Variants in NEXMIF observed in about 807,000 individuals in gnomAD.
NEXMIF encodes the protein neurite extension and migration factor.
In NEXMIF, 8 loss-of-function variants were observed where a neutral mutation model predicts 62.1. The observed-to-expected ratio is 0.13, with a 90% CI of 0.08 to 0.23. The LOEUF is 0.23. Among genes scored for constraint, NEXMIF ranks in the 10% least tolerant of loss-of-function variants. NEXMIF has a pLI of 1.00. For missense variants in NEXMIF, 976 were observed against 1,113.3 expected, an observed-to-expected ratio of 0.88 and a Z score of 1.75; for synonymous variants, 404 against 416.6, an observed-to-expected ratio of 0.97 and a Z score of 0.37.
intron 1 of NEXMIF, among the ~76,000 whole-genome samples, chrX:74,864,431 G>A (rs748278903): frequency 1.8e-5 from 2 of 112,129 alleles, no homozygotes; most frequent in Admixed American, 9.4e-5. Flanking sequence ...CTTGAATGTA[G>A]CTCTCATAAT....
intron 1 of NEXMIF, among the ~76,000 whole-genome samples, chrX:74,756,172 A>G (rs185293212): frequency 7.5e-4 from 83 of 111,159 alleles, no homozygotes; most frequent in Admixed American, 6.8e-3. Flanking sequence ...CATGTTGGTC[A>G]GGCTGGTCTC....
At chrX:74,893,811 T>C (rs1205361768) in intron 1 of NEXMIF, among the ~76,000 whole-genome samples, 3 of 112,128 alleles carry the variant, frequency 2.7e-5, no homozygotes, top group Non-Finnish European at 3.8e-5. Flanking sequence ...ACAGGGCCAT[T>C]TGGACCTGGA....
At chrX:74,787,629 ACT>A (rs1300109113) in intron 1 of NEXMIF, among the ~76,000 whole-genome samples, 1 of 111,638 alleles carries the variant, frequency 9.0e-6, no homozygotes, top group Non-Finnish European at 1.9e-5. Context: ...TTTCTTTTTG[ACT>A]CTGACAGGCA....
intron 1 of NEXMIF, among the ~76,000 whole-genome samples, chrX:74,856,453 C>T (rs1179603060): frequency 9.0e-6 from 1 of 111,544 alleles, no homozygotes; most frequent in Non-Finnish European, 1.9e-5. Flanking sequence ...CCCCAACATA[C>T]ACATGATGAT....
intron 1 of NEXMIF, among the ~76,000 whole-genome samples, chrX:74,903,408 T>C (rs1302928269): frequency 2.0e-5 from 2 of 100,656 alleles, no homozygotes; most frequent in Non-Finnish European, 4.0e-5. Flanking sequence ...GTTTGGGTCA[T>C]AGATACAGCT....
chrX:74,878,641 A>C (rs1286220681), intron 1 of NEXMIF, among the ~76,000 whole-genome samples: 1 of 112,081 alleles, frequency 8.9e-6, no homozygotes, highest in Non-Finnish European at 1.9e-5. Context: ...AATCAGCGGG[A>C]CTCCGTGGGC....
intron 1 of NEXMIF, among the ~76,000 whole-genome samples, chrX:74,879,376 C>A (rs1189750077): frequency 8.9e-6 from 1 of 112,117 alleles, no homozygotes; most frequent in Non-Finnish European, 1.9e-5. Flanking sequence ...GAGATCCACA[C>A]CTGAACACGT....
intron 1 of NEXMIF, among the ~76,000 whole-genome samples, chrX:74,793,118 T>C (rs1190170285): frequency 1.8e-5 from 2 of 111,491 alleles, no homozygotes; most frequent in East Asian, 2.8e-4. Context: ...TGGTTCCGGT[T>C]GTTCCTTTCC....
At chrX:74,787,314 G>A (rs184013064) in intron 1 of NEXMIF, among the ~76,000 whole-genome samples, 1 of 108,332 alleles carries the variant, frequency 9.2e-6, no homozygotes, top group African/African-American at 3.3e-5. Flanking sequence ...AAAGATTGAA[G>A]CTATGGGAAT....
intron 1 of NEXMIF, among the ~76,000 whole-genome samples, chrX:74,923,984 T>A (rs775538030): frequency 8.9e-6 from 1 of 111,884 alleles, no homozygotes; most frequent in East Asian, 2.8e-4. Context: ...GGATGCCAAT[T>A]TTTTTTTAAC....
chrX:74,915,121 T>G (rs2080802205), intron 1 of NEXMIF, among the ~76,000 whole-genome samples: 1 of 111,700 alleles, frequency 9.0e-6, no homozygotes, highest in Non-Finnish European at 1.9e-5. Context: ...TTATCTTGAT[T>G]GTGATGGTGG....
chrX:74,880,397 G>A (rs769945384), intron 1 of NEXMIF, among the ~76,000 whole-genome samples: 13 of 111,736 alleles, frequency 1.2e-4, no homozygotes, highest in African/African-American at 3.9e-4. Flanking sequence ...TAAGAGAAGA[G>A]GGAAGGAGGA....
chrX:74,887,369 C>T (rs1469173320), intron 1 of NEXMIF, among the ~76,000 whole-genome samples: 1 of 111,096 alleles, frequency 9.0e-6, no homozygotes, highest in Non-Finnish European at 1.9e-5. Flanking sequence ...AGGCAACCTA[C>T]AGAATGGGAG....
chrX:74,792,290 T>A (rs2080286944), intron 1 of NEXMIF, among the ~76,000 whole-genome samples: 1 of 110,325 alleles, frequency 9.1e-6, no homozygotes, highest in Admixed American at 9.7e-5. Context: ...CGGTTTTGAG[T>A]GAGATTCTTA....
At chrX:74,851,893 G>C (rs767164506) in intron 1 of NEXMIF, among the ~76,000 whole-genome samples, 1 of 111,470 alleles carries the variant, frequency 9.0e-6, no homozygotes, top group African/African-American at 3.3e-5. Context: ...CAATAAGACA[G>C]AAAGAAAGAC....
intron 1 of NEXMIF, among the ~76,000 whole-genome samples, chrX:74,920,605 G>A (rs892955386): frequency 9.0e-6 from 1 of 111,377 alleles, no homozygotes; most frequent in Non-Finnish European, 1.9e-5. Context: ...TAGTTTCTTT[G>A]GCTGTGCAGA....
Position 74,742,674 on chromosome X carries a change from C to T in NEXMIF, c.1883G>A (p.Arg628Gln), listed in dbSNP as rs747436946. 1.2e-5 allele frequency: 15 copies of T among 1,209,439 alleles called. No individual in the cohort carries two copies. In the South Asian group the frequency reaches 2.1e-4, roughly 17 times the overall value. Reference protein sequence around the residue: ...EVSFLPPARKRKSKLGNRHRI... With the variant: ...EVSFLPPARKQKSKLGNRHRI... ...GTGCCTGTTGCCAAGTTTAGATTTTCGTTTGCGAGCAGGTGGCAGAAATGA... is the reference window on the plus strand; with the variant it reads ...GTGCCTGTTGCCAAGTTTAGATTTTTGTTTGCGAGCAGGTGGCAGAAATGA... Residue 628 changes from arginine to glutamine, a missense_variant, in exon 3 of 4, where the codon CGA becomes CAA. Physicochemically the swap from Arg to Gln is conservative, Grantham distance 43. Transcript: ENST00000055682.
At chrX:74,911,232 C>A (rs748656941) in intron 1 of NEXMIF, among the ~76,000 whole-genome samples, 3 of 111,179 alleles carry the variant, frequency 2.7e-5, no homozygotes, top group African/African-American at 9.8e-5. Context: ...CCAGCCTTGA[C>A]AACATGGTGA....
intron 1 of NEXMIF, among the ~76,000 whole-genome samples, chrX:74,784,244 C>T (rs2080254474): frequency 9.0e-6 from 1 of 111,676 alleles, no homozygotes; most frequent in Non-Finnish European, 1.9e-5. Flanking sequence ...TCTGCAAAGG[C>T]TCAATTCTGC....
Sources: gnomAD v4.1 joint callset for allele counts (sites outside exome capture counted in the v4.1 genomes callset) on GRCh38, gnomAD v4.1.1 for gene constraint, MANE v1.5 for transcripts, NCBI Gene and HGNC (gene_info 2026-07-23, HGNC 2026-07-21) for gene names.